Variants in PDCD1LG2 observed in about 807,000 individuals in gnomAD.
PDCD1LG2 encodes programmed cell death 1 ligand 2, also known as B7 dendritic cell molecule.
Under a neutral mutation model 28.2 loss-of-function variants are expected in PDCD1LG2, and 32 were observed. The observed-to-expected ratio is 1.13, with a 90% CI of 0.86 to 1.52. The LOEUF (loss-of-function observed/expected upper bound fraction) is 1.52, where lower values mean the gene tolerates loss of function less well. Ranked by LOEUF, PDCD1LG2 falls within the 40% of genes most tolerant of loss-of-function variation. The pLI, the probability that PDCD1LG2 is intolerant of heterozygous loss-of-function variation, is 0.00. For missense variants in PDCD1LG2, 385 were observed against 323.8 expected, an observed-to-expected ratio of 1.19 and a Z score of -1.45; for synonymous variants, 116 against 120.2, an observed-to-expected ratio of 0.97 and a Z score of 0.23.
chr9:5,561,529 A>G (rs953295681), intron 5 of PDCD1LG2, among the ~76,000 whole-genome samples: 7 of 152,242 alleles, frequency 4.6e-5, no homozygotes, highest in Admixed American at 6.5e-5. Flanking sequence ...GGTTCAGTCA[A>G]TATTATTATC....
chr9:5,543,841 A>G (rs975660915), intron 3 of PDCD1LG2, among the ~76,000 whole-genome samples: 4 of 151,782 alleles, frequency 2.6e-5, no homozygotes, highest in Non-Finnish European at 5.9e-5. Context: ...ATTATTTTAA[A>G]AAAGAAAACA....
intron 6 of PDCD1LG2, among the ~76,000 whole-genome samples, chr9:5,567,939 G>GTT (rs1816697047): frequency 6.6e-6 from 1 of 152,082 alleles, no homozygotes; most frequent in Non-Finnish European, 1.5e-5. Context: ...TTTTTGTTTT[G>GTT]TTTTGTTTGT....
In PDCD1LG2 at chr9:5,543,367, G is replaced by A. The variant is rs144900466; in HGVS notation, c.362-5968G>A. On this transcript the variant is annotated intron_variant, in intron 3 of 6. Coordinates refer to ENST00000397747, the MANE Select transcript of PDCD1LG2 (RefSeq NM_025239.4). The stretch of plus-strand genomic sequence containing the variant: ...ATCCTGGCTAACACGGTGAAACCCC[G>A]TCTCTACTAAAAATACAAAAAATTA... Among the ~76,000 whole-genome samples, 388 of 151,974 alleles carry A rather than the reference G, an allele frequency of 2.6e-3. 1 individual carries two copies. Among genetic ancestry groups the A allele is most frequent in the African/African-American group, 8.6e-3 (355 of 41,458 alleles).
intron 2 of PDCD1LG2, among the ~76,000 whole-genome samples, chr9:5,531,345 G>C (rs1217353028): frequency 6.6e-6 from 1 of 152,206 alleles, no homozygotes; most frequent in Non-Finnish European, 1.5e-5. Context: ...TATTTTGTAT[G>C]GAGTAATCAA....
At chr9:5,566,630 A>G (rs530001406) in intron 6 of PDCD1LG2, among the ~76,000 whole-genome samples, 1 of 152,264 alleles carries the variant, frequency 6.6e-6, no homozygotes, top group Non-Finnish European at 1.5e-5. Context: ...CTGACCCTCA[A>G]TGTACATGGA....
chr9:5,526,251 A>T (rs1398212772), intron 2 of PDCD1LG2, among the ~76,000 whole-genome samples: 3 of 152,122 alleles, frequency 2.0e-5, no homozygotes, highest in Admixed American at 6.5e-5. Context: ...CACAGAGAAA[A>T]CCACATGAAA....
chr9:5,547,217 G>A (rs992233964), intron 3 of PDCD1LG2, among the ~76,000 whole-genome samples: 4 of 152,142 alleles, frequency 2.6e-5, no homozygotes, highest in Admixed American at 6.5e-5. Context: ...CACAAAGTTT[G>A]TACCTATTTA....
chr9:5,528,273 A>T (rs1025556097), intron 2 of PDCD1LG2, among the ~76,000 whole-genome samples: 14 of 146,936 alleles, frequency 9.5e-5, no homozygotes, highest in Admixed American at 2.0e-4. Context: ...TTATATATAT[A>T]TTTTATATAT....
intron 1 of PDCD1LG2, among the ~76,000 whole-genome samples, chr9:5,519,322 G>C (rs138691501): frequency 2.3e-3 from 352 of 152,216 alleles, no homozygotes; most frequent in Middle Eastern, 0.014. Flanking sequence ...GAAATGGGTT[G>C]GTTTGCATTT....
Position 5,549,493 on chromosome 9 carries a change from T to C in PDCD1LG2, c.520T>C (p.Tyr174His), listed in dbSNP as rs778385487. The change falls in exon 4 of 7, where the codon TAC becomes CAC. Residue 174 changes from tyrosine (Y) to histidine (H), a missense_variant. Physicochemically the swap from Tyr to His is moderately conservative, Grantham distance 83. Coordinates refer to ENST00000397747, the MANE Select transcript of PDCD1LG2 (RefSeq NM_025239.4). ...CCACTCCAGGACCCCTGAAGGCCTC[T>C]ACCAGGTCACCAGTGTTCTGCGCCT... ...TSHSRTPEGL[Y>H]QVTSVLRLKP... The C allele has an allele frequency of 1.2e-6, 2 of 1,614,192 alleles. No individual in the cohort carries two copies. The highest frequency in any genetic ancestry group is 1.1e-5 in the South Asian group (1 of 91,090).
At position 5,549,507 on chromosome 9, in the gene PDCD1LG2, T is replaced by A. The variant is rs141602992; in HGVS notation, c.534T>A (p.Ser178Arg). 199 of 1,614,152 alleles carry A rather than the reference T, an allele frequency of 1.2e-4. No individual in the cohort carries two copies. In the African/African-American group the frequency reaches 2.4e-3, roughly 20 times the overall value. ...RTPEGLYQVT[S>R]VLRLKPPPGR... ...CTGAAGGCCTCTACCAGGTCACCAG[T>A]GTTCTGCGCCTAAAGCCACCCCCTG... The change falls in exon 4 of 7, where the codon AGT becomes AGA. Residue 178 changes from serine (S) to arginine (R), a missense_variant. Coordinates refer to ENST00000397747, the MANE Select transcript of PDCD1LG2 (RefSeq NM_025239.4).
intron 1 of PDCD1LG2, among the ~76,000 whole-genome samples, chr9:5,514,698 C>T (rs921737596): frequency 6.9e-6 from 1 of 144,366 alleles, no homozygotes; most frequent in Admixed American, 7.2e-5. Flanking sequence ...TTCGAGGCTG[C>T]AGTGCTCTAT....
chr9:5,568,449 C>G (rs1412823381), intron 6 of PDCD1LG2, among the ~76,000 whole-genome samples: 3 of 152,158 alleles, frequency 2.0e-5, no homozygotes, highest in Non-Finnish European at 4.4e-5. Context: ...AATCTAATGT[C>G]TGACGATCTG....
chr9:5,529,635 C>T (rs890261085), intron 2 of PDCD1LG2, among the ~76,000 whole-genome samples: 3 of 152,034 alleles, frequency 2.0e-5, no homozygotes, highest in African/African-American at 7.3e-5. Context: ...GAAAGAGCCA[C>T]CCCAGTCTTT....
At chr9:5,530,485 A>C (rs1001408720) in intron 2 of PDCD1LG2, among the ~76,000 whole-genome samples, 3 of 149,646 alleles carry the variant, frequency 2.0e-5, no homozygotes, top group African/African-American at 5.1e-5. Flanking sequence ...AAAAAAAAAA[A>C]AAAACTCACT....
intron 6 of PDCD1LG2, among the ~76,000 whole-genome samples, chr9:5,568,684 C>A (rs1015560718): frequency 2.6e-5 from 4 of 152,180 alleles, no homozygotes; most frequent in Non-Finnish European, 5.9e-5. Context: ...AATACCCAAC[C>A]CATGTCAGGC....
rs1056789667 is a variant in PDCD1LG2 at position 5,529,138 on chromosome 9, G to A, written c.56-5607G>A. 1.2e-3 allele frequency among the ~76,000 whole-genome samples: 190 copies of A among 152,324 alleles called. 2 individuals are homozygous for A. Among genetic ancestry groups the A allele is most frequent in the African/African-American group, 4.4e-3 (184 of 41,564 alleles). ...TTTTCTTAACTGTGTCTTTTGCAGA[G>A]CAAAGATTTTAATTTTGATGAAGTT... On this transcript the variant is annotated intron_variant, in intron 2 of 6. Transcript: ENST00000397747.
In PDCD1LG2 at chr9:5,522,557, T is replaced by G. The variant is rs990619741; in HGVS notation, c.11T>G (p.Leu4Arg). Residue 4 changes from leucine (L) to arginine (R), a missense_variant, in exon 2 of 7, where the codon CTC becomes CGC. Leu to Arg is a moderately radical substitution (Grantham distance 102). Transcript: ENST00000397747. Reference protein sequence around the residue: MIFLLLMLSLELQL... With the variant: MIFRLLMLSLELQL... ...GATCAAATACAGAACATGATCTTCC[T>G]CCTGCTAATGTTGAGCCTGGAATTG... 7 of 1,613,700 alleles carry G rather than the reference T, an allele frequency of 4.3e-6. No homozygotes were observed. Among genetic ancestry groups the G allele is most frequent in the Non-Finnish European group, 5.1e-6 (6 of 1,179,722 alleles).
intron 3 of PDCD1LG2, among the ~76,000 whole-genome samples, chr9:5,538,333 G>C (rs891386068): frequency 6.6e-6 from 1 of 151,766 alleles, no homozygotes; most frequent in Admixed American, 6.6e-5. Context: ...TATTGTTTTA[G>C]ATGCATATAT....
Sources: allele counts gnomAD v4.1 joint callset (sites outside exome capture counted in the v4.1 genomes callset), GRCh38; gene constraint gnomAD v4.1.1; transcripts MANE v1.5; gene names NCBI Gene and HGNC (gene_info 2026-07-23, HGNC 2026-07-21).